ARHGAP35: variants seen among roughly 807,000 people sequenced by gnomAD.
ARHGAP35 encodes rho GTPase-activating protein 35.
ARHGAP35 carries 15 observed loss-of-function variants against 111.1 expected under a neutral mutation model. That is an observed-to-expected ratio of 0.13 (90% CI 0.09 to 0.21). The LOEUF is 0.21. Among genes scored for constraint, ARHGAP35 ranks in the 10% least tolerant of loss-of-function variants. The probability of loss-of-function intolerance (pLI) is 1.00; values close to 1 mark genes in which losing one functional copy is unlikely to be tolerated. For synonymous variants in ARHGAP35, 643 were observed against 710.3 expected (o/e 0.91, Z 1.51); for missense variants, 1,262 against 1,873.0 (o/e 0.67, Z 6.02).
rs754987943 is a variant in ARHGAP35, at chr19:46,920,294, G to A, written c.1619G>A (p.Arg540His). The change falls in exon 2 of 7, where the codon CGT (arginine) becomes CAT (histidine). Residue 540 changes from arginine (R) to histidine (H), a missense_variant. Around this residue, in one of 8 missense-constraint regions of ARHGAP35, gnomAD observed 328 missense variants for 440.8 expected, o/e 0.74. Transcript: ENST00000672722. This position sits in a 1 kb window ranked among gnomAD's most constrained non-coding sequence, Gnocchi z 7.0. ...GCATTACAAAAGCTCCAAGCAGAGC[G>A]TGATGCCCTTATTCTGAAACACATT... is the stretch of plus-strand genomic sequence containing the variant. ...FKALQKLQAE[R>H]DALILKHIHF... 1.9e-6 allele frequency: 3 copies of A among 1,613,994 alleles called. No homozygotes were observed. Among genetic ancestry groups the A allele is most frequent in the Non-Finnish European group, 2.5e-6 (3 of 1,179,896 alleles).
chr19:46,884,988 G>C (rs978855613), intron 1 of ARHGAP35, among the ~76,000 whole-genome samples: 1 of 152,180 alleles, frequency 6.6e-6, no homozygotes, highest in Non-Finnish European at 1.5e-5. Context: ...AACGTGTTGG[G>C]ATTATAGGCT....
intron 1 of ARHGAP35, among the ~76,000 whole-genome samples, 140 bp downstream of exon 1, chr19:46,861,349 C>A (rs973670889): frequency 6.7e-6 from 1 of 149,826 alleles, no homozygotes; most frequent in African/African-American, 2.4e-5. Context: ...AGCGGCCCCC[C>A]CCCCAGCCCC....
intron 1 of ARHGAP35, among the ~76,000 whole-genome samples, chr19:46,868,855 A>G (rs1011848156): frequency 6.8e-6 from 1 of 146,270 alleles, no homozygotes; most frequent in African/African-American, 2.6e-5. Context: ...ATAGAAATAC[A>G]TCTTTCCTCT....
chr19:46,912,065 C>T lies in ARHGAP35; in HGVS notation c.-188-6423C>T, dbSNP rs538825483. ...CTTTTCTTTTTTTTTTTTTTTGAGACGGAATTTCACTCTTGTTGCCCAGGC... is the reference window on the plus strand; with the variant it reads ...CTTTTCTTTTTTTTTTTTTTTGAGATGGAATTTCACTCTTGTTGCCCAGGC... On this transcript the variant is annotated intron_variant, in intron 1 of 6. Transcript: ENST00000672722. Among the ~76,000 whole-genome samples the T allele has an allele frequency of 1.6e-3, 228 of 142,560 alleles. 1 individual carries two copies. Among genetic ancestry groups the T allele is most frequent in the African/African-American group, 5.6e-3 (214 of 38,446 alleles). The allele number at this position is 142,560 out of a possible 152,430, so 93.5% of individuals were successfully genotyped here. A position where few individuals can be genotyped will look rare whatever the true frequency, so the allele number is the denominator to read the frequency against.
Position 46,922,528 on chromosome 19 carries a change from C to T in ARHGAP35, c.3681+172C>T, listed in dbSNP as rs1030357152. Among the ~76,000 whole-genome samples, 3 of 152,070 alleles carry T rather than the reference C, an allele frequency of 2.0e-5. No individual in the cohort carries two copies. The highest frequency in any genetic ancestry group is 2.9e-5 in the Non-Finnish European group (2 of 68,016). On this transcript the variant is annotated intron_variant, in intron 2 of 6. Coordinates refer to ENST00000672722, the MANE Select transcript of ARHGAP35 (RefSeq NM_004491.5). The surrounding 1 kb of genome is among the most constrained non-coding windows in gnomAD (Gnocchi z 4.0). ...CTCAATTAGCTACCATTATTGGCAG[C>T]TCTCAAGTAGTTAGGACTTTGGATA...
chr19:46,871,161 T>C (rs2055885413), intron 1 of ARHGAP35, among the ~76,000 whole-genome samples: 1 of 152,190 alleles, frequency 6.6e-6, no homozygotes, highest in Non-Finnish European at 1.5e-5. Flanking sequence ...GTGAAAGCAT[T>C]CTTTTAACAA....
rs1211539457 is a variant in ARHGAP35, at chr19:46,999,809, C to T, written c.4142+400C>T. The stretch of plus-strand genomic sequence containing the variant: ...CTCAGAGTCCCTGAAAGTCCTCTCA[C>T]AGCATTCACGTTCCCAGCTGGGGAG... On this transcript the variant is annotated intron_variant, in intron 6 of 6. Coordinates refer to ENST00000672722, the MANE Select transcript of ARHGAP35 (RefSeq NM_004491.5). The surrounding 1 kb of genome is among the most constrained non-coding windows in gnomAD (Gnocchi z 5.4). 2.2e-5 allele frequency: 5 copies of T among 228,104 alleles called. No homozygotes were observed. The highest frequency in any genetic ancestry group is 3.4e-5 in the Non-Finnish European group (4 of 116,534). The allele number at this position is 228,104 out of a possible 1,614,324, so 14.1% of individuals were successfully genotyped here.
intron 3 of ARHGAP35, among the ~76,000 whole-genome samples, chr19:46,955,837 T>C (rs1438790691): frequency 6.6e-6 from 1 of 152,202 alleles, no homozygotes; most frequent in East Asian, 1.9e-4. Context: ...ATTTTTCCTC[T>C]TGAAAGTATT....
chr19:46,937,430 A>T, intron 3 of ARHGAP35, 22 bp downstream of exon 3: 2 of 1,612,542 alleles, frequency 1.2e-6, no homozygotes, highest in Non-Finnish European at 1.7e-6. Flanking sequence ...ACCTCATAGC[A>T]GTTTATAACT....
chr19:46,878,944 C>T (rs1025453498), intron 1 of ARHGAP35, among the ~76,000 whole-genome samples: 2 of 152,184 alleles, frequency 1.3e-5, no homozygotes, highest in Non-Finnish European at 2.9e-5. Flanking sequence ...GTGAAGTTTG[C>T]TACATTCATT....
chr19:46,907,846 T>C (rs2056118816), intron 1 of ARHGAP35, among the ~76,000 whole-genome samples: 1 of 152,224 alleles, frequency 6.6e-6, no homozygotes, highest in South Asian at 2.1e-4. Context: ...ACCATCCTTT[T>C]TAAAAGGATA....
At chr19:46,960,481 G>T (rs2056473695) in intron 3 of ARHGAP35, among the ~76,000 whole-genome samples, 1 of 152,074 alleles carries the variant, frequency 6.6e-6, no homozygotes, top group Non-Finnish European at 1.5e-5. Context: ...TCATTCTTTG[G>T]TCTACATGCA....
rs1476379818 is a variant in ARHGAP35 at position 46,921,033 on chromosome 19, G to A, written c.2358G>A (p.Met786Ile). The A allele has an allele frequency of 2.5e-6, 4 of 1,614,006 alleles. No homozygotes were observed. Among genetic ancestry groups the A allele is most frequent in the Non-Finnish European group, 3.4e-6 (4 of 1,179,890 alleles). Reference sequence around the variant, plus strand: ...CTGATGTTGATCTGCGAATTGTTATGTGTCTGATGTGTGGAGATCCTTTTA... The same window carrying A: ...CTGATGTTGATCTGCGAATTGTTATATGTCTGATGTGTGGAGATCCTTTTA... ...DLADVDLRIV[M>I]CLMCGDPFSA... is the part of the protein sequence containing the mutation. The change falls in exon 2 of 7, where the codon ATG becomes ATA. Residue 786 changes from methionine (M) to isoleucine (I), a missense_variant. Coordinates refer to ENST00000672722, the MANE Select transcript of ARHGAP35 (RefSeq NM_004491.5). This position sits in a 1 kb window ranked among gnomAD's most constrained non-coding sequence, Gnocchi z 4.3.
chr19:46,861,294 G>C (rs1041638188), intron 1 of ARHGAP35, among the ~76,000 whole-genome samples, 85 bp downstream of exon 1: 8 of 150,686 alleles, frequency 5.3e-5, no homozygotes, highest in Non-Finnish European at 1.0e-4. Flanking sequence ...GGACGGCGGG[G>C]CCCGGAGCCC....
At chr19:46,881,870 A>G (rs1230991606) in intron 1 of ARHGAP35, among the ~76,000 whole-genome samples, 1 of 151,836 alleles carries the variant, frequency 6.6e-6, no homozygotes, top group East Asian at 1.9e-4. Flanking sequence ...AAGGTGGGCT[A>G]GGTCTTCTAG....
At chr19:46,913,991 AT>A (rs963887912) in intron 1 of ARHGAP35, among the ~76,000 whole-genome samples, 2 of 151,968 alleles carry the variant, frequency 1.3e-5, no homozygotes, top group African/African-American at 4.8e-5. Context: ...GACTCAGCTA[AT>A]TTTTTTTACC....
At chr19:46,904,776 C>A (rs1284597874) in intron 1 of ARHGAP35, among the ~76,000 whole-genome samples, 1 of 152,228 alleles carries the variant, frequency 6.6e-6, no homozygotes, top group South Asian at 2.1e-4. Context: ...CCTTCTCCAG[C>A]CCGGTCCTGA....
chr19:46,894,090 C>T (rs186744476), intron 1 of ARHGAP35, among the ~76,000 whole-genome samples: 237 of 152,198 alleles, frequency 1.6e-3, no homozygotes, highest in Non-Finnish European at 2.7e-3. Flanking sequence ...GCACAACTCT[C>T]TCCCTTGTCC....
At chr19:46,934,850 T>G (rs1489578363) in intron 2 of ARHGAP35, among the ~76,000 whole-genome samples, 4 of 151,774 alleles carry the variant, frequency 2.6e-5, no homozygotes, top group African/African-American at 9.7e-5. Context: ...TTTTTGTATT[T>G]TTTGTAGAGA....
Sources: allele counts gnomAD v4.1 joint callset (sites outside exome capture counted in the v4.1 genomes callset), GRCh38; gene constraint gnomAD v4.1.1; regional missense constraint gnomAD v4.1.1; non-coding constraint Gnocchi (gnomAD v3.1); transcripts MANE v1.5; gene names NCBI Gene and HGNC (gene_info 2026-07-23, HGNC 2026-07-21).